The following FSIP1 variants were observed in gnomAD, a reference collection of about 807,000 sequenced individuals.
The protein encoded by FSIP1 is fibrous sheath-interacting protein 1.
FSIP1 carries 65 observed loss-of-function variants against 60.9 expected under a neutral mutation model. The observed-to-expected ratio is 1.07, with a 90% CI of 0.87 to 1.31. FSIP1 has a LOEUF of 1.31. Ranked by LOEUF, FSIP1 falls within the 40% of genes most tolerant of loss-of-function variation. FSIP1 has a pLI of 0.00. For missense variants in FSIP1, 675 were observed against 665.5 expected (o/e 1.01, Z -0.16); for synonymous variants, 209 against 221.2 (o/e 0.94, Z 0.49).
rs181155507 is a variant in FSIP1, at chr15:39,601,332, C to G, written c.1700-406G>C. 8.5e-5 allele frequency among the ~76,000 whole-genome samples: 13 copies of G among 152,240 alleles called. No homozygotes were observed. The East Asian group carries it at 2.5e-3, about 29-fold the overall frequency. ...GTGAGAAAAAAAATTGTGACATTAA[C>G]AGAAAAGGAATGGAAATATTTTTCT... On this transcript the variant is annotated intron_variant, in intron 11 of 11. Transcript: ENST00000350221.
At chr15:39,666,265 A>G (rs1893491030) in intron 10 of FSIP1, among the ~76,000 whole-genome samples, 1 of 152,206 alleles carries the variant, frequency 6.6e-6, no homozygotes, top group South Asian at 2.1e-4. Flanking sequence ...TGGCATATTC[A>G]AGACTTGGAA....
chr15:39,626,355 G>C (rs1004741), intron 10 of FSIP1, among the ~76,000 whole-genome samples: 18,803 of 152,126 alleles, frequency 0.12, 1,389 homozygotes, highest in East Asian at 0.21. Flanking sequence ...TCCCAAACAG[G>C]GGTTCATTTA....
intron 10 of FSIP1, among the ~76,000 whole-genome samples, chr15:39,671,393 AT>A (rs1190462043): frequency 1.3e-5 from 2 of 152,070 alleles, no homozygotes; most frequent in East Asian, 3.8e-4. Context: ...TTTTATGTTG[AT>A]TTTTTTTAAA....
intron 10 of FSIP1, among the ~76,000 whole-genome samples, chr15:39,665,637 C>T (rs1893467290): frequency 6.6e-6 from 1 of 152,120 alleles, no homozygotes; most frequent in Non-Finnish European, 1.5e-5. Context: ...CCAAAAAGAG[C>T]TTTCATTTCC....
At chr15:39,631,558 A>G (rs182476469) in intron 10 of FSIP1, among the ~76,000 whole-genome samples, 1 of 152,270 alleles carries the variant, frequency 6.6e-6, no homozygotes, top group Non-Finnish European at 1.5e-5. Flanking sequence ...AGTAACGAAG[A>G]CACCTCTTCC....
intron 8 of FSIP1, among the ~76,000 whole-genome samples, chr15:39,736,628 G>A (rs1896619071): frequency 1.3e-5 from 2 of 152,204 alleles, no homozygotes; most frequent in South Asian, 4.1e-4. Flanking sequence ...GTGGGCCACA[G>A]GGATCACTGC....
At chr15:39,724,642 C>A (rs779590792) in intron 9 of FSIP1, among the ~76,000 whole-genome samples, 10 of 152,106 alleles carry the variant, frequency 6.6e-5, no homozygotes, top group Non-Finnish European at 8.8e-5. Flanking sequence ...TAAAGGTCAC[C>A]AGGTCATTCC....
intron 10 of FSIP1, among the ~76,000 whole-genome samples, chr15:39,700,214 C>T (rs1895000142): frequency 6.6e-6 from 1 of 152,182 alleles, no homozygotes; most frequent in African/African-American, 2.4e-5. Context: ...CTGTAACACC[C>T]ACCCCCATCT....
intron 10 of FSIP1, among the ~76,000 whole-genome samples, chr15:39,641,929 A>G (rs1892387003): frequency 6.6e-6 from 1 of 152,208 alleles, no homozygotes. Context: ...AAAATTATTG[A>G]GCAGTCCTTG....
At chr15:39,615,774 T>A (rs1891206619) in intron 11 of FSIP1, among the ~76,000 whole-genome samples, 1 of 147,962 alleles carries the variant, frequency 6.8e-6, no homozygotes, top group Non-Finnish European at 1.5e-5. Flanking sequence ...GAGAGTAGAA[T>A]GGCAGTTACC....
intron 2 of FSIP1, among the ~76,000 whole-genome samples, chr15:39,772,187 T>C (rs1042284430): frequency 1.3e-5 from 2 of 152,180 alleles, no homozygotes; most frequent in Admixed American, 1.3e-4. Context: ...CCCCAACCCA[T>C]TGCCCACTGG....
At chr15:39,691,534 C>T (rs1457990100) in intron 10 of FSIP1, among the ~76,000 whole-genome samples, 1 of 152,218 alleles carries the variant, frequency 6.6e-6, no homozygotes, top group Non-Finnish European at 1.5e-5. Context: ...GAAACTAAGG[C>T]AGAATGTTCT....
intron 10 of FSIP1, among the ~76,000 whole-genome samples, chr15:39,636,467 G>A (rs1892143401): frequency 6.6e-6 from 1 of 152,144 alleles, no homozygotes; most frequent in Non-Finnish European, 1.5e-5. Context: ...CTGGGAGTAG[G>A]GCAGAAGGAG....
chr15:39,705,997 CAAAAAAA>C (rs35710055), intron 10 of FSIP1, among the ~76,000 whole-genome samples: 66 of 115,428 alleles, frequency 5.7e-4, no homozygotes, highest in African/African-American at 2.0e-3. Context: ...GACTCGGTCT[CAAAAAAA>C]AAAAAAAAAA....
At chr15:39,629,891 T>C (rs1216393224) in intron 10 of FSIP1, among the ~76,000 whole-genome samples, 1 of 152,236 alleles carries the variant, frequency 6.6e-6, no homozygotes, top group African/African-American at 2.4e-5. Flanking sequence ...GTTCGACAAA[T>C]GGTCAGTCCT....
At chr15:39,707,619 A>G (rs1895331270) in intron 10 of FSIP1, among the ~76,000 whole-genome samples, 1 of 152,204 alleles carries the variant, frequency 6.6e-6, no homozygotes, top group South Asian at 2.1e-4. Flanking sequence ...TATGTTAATA[A>G]TAAAAATGTA....
chr15:39,698,412 G>A (rs1401430741), intron 10 of FSIP1, among the ~76,000 whole-genome samples: 3 of 152,000 alleles, frequency 2.0e-5, no homozygotes, highest in Non-Finnish European at 4.4e-5. Flanking sequence ...TGCCATTTCT[G>A]TAACTCTGCA....
intron 10 of FSIP1, among the ~76,000 whole-genome samples, chr15:39,630,524 G>A (rs559831819): frequency 6.6e-6 from 1 of 152,310 alleles, no homozygotes; most frequent in South Asian, 2.1e-4. Flanking sequence ...GTTGCACTGG[G>A]GGTGGGGCAT....
At chr15:39,717,676 C>A (rs1451642371) in intron 9 of FSIP1, among the ~76,000 whole-genome samples, 1 of 152,122 alleles carries the variant, frequency 6.6e-6, no homozygotes, top group Non-Finnish European at 1.5e-5. Flanking sequence ...TCTTAAAATC[C>A]TCATATCCTA....
Sources: allele counts gnomAD v4.1 joint callset (sites outside exome capture counted in the v4.1 genomes callset), GRCh38; gene constraint gnomAD v4.1.1; transcripts MANE v1.5; gene names NCBI Gene and HGNC (gene_info 2026-07-23, HGNC 2026-07-21).